The following TENM4 variants were observed in gnomAD, a reference collection of about 807,000 sequenced individuals.
TENM4 encodes the protein teneurin-4.
TENM4 carries 82 observed loss-of-function variants against 243.3 expected under a neutral mutation model. The ratio of observed to expected loss-of-function variants is 0.34; its 90% confidence interval spans 0.28 to 0.40. The LOEUF is 0.40. Among genes scored for constraint, TENM4 ranks in the 10% least tolerant of loss-of-function variants. The probability of loss-of-function intolerance (pLI) is 1.00; values close to 1 mark genes in which losing one functional copy is unlikely to be tolerated. For missense variants in TENM4, 3,138 were observed against 3,673.3 expected, an observed-to-expected ratio of 0.85 and a Z score of 3.77; for synonymous variants, 1,412 against 1,456.3, an observed-to-expected ratio of 0.97 and a Z score of 0.69.
chr11:79,365,528 G>A (rs1385987294), intron 1 of TENM4, among the ~76,000 whole-genome samples: 1 of 152,184 alleles, frequency 6.6e-6, no homozygotes, highest in Non-Finnish European at 1.5e-5. Flanking sequence ...CTTCTGACCA[G>A]CCTTCTCTAA....
chr11:78,705,704 T>C (rs757403475), intron 27 of TENM4, among the ~76,000 whole-genome samples: 9 of 152,172 alleles, frequency 5.9e-5, no homozygotes, highest in Non-Finnish European at 1.3e-4. Context: ...GTCAAATGAA[T>C]GAACGAAGGA....
chr11:79,016,024 G>T (rs557739730), intron 6 of TENM4, among the ~76,000 whole-genome samples: 9 of 152,184 alleles, frequency 5.9e-5, no homozygotes, highest in Non-Finnish European at 1.0e-4. Flanking sequence ...TGAGACCAAG[G>T]TACTGAGAGT....
chr11:78,693,412 G>T (rs1858875502), intron 28 of TENM4, among the ~76,000 whole-genome samples: 2 of 152,160 alleles, frequency 1.3e-5, no homozygotes, highest in African/African-American at 2.4e-5. Flanking sequence ...TAAATAATGT[G>T]TTTTATTCAT....
intron 2 of TENM4, among the ~76,000 whole-genome samples, chr11:79,262,313 C>T (rs967461584): frequency 3.9e-5 from 6 of 152,180 alleles, no homozygotes; most frequent in African/African-American, 1.4e-4. Context: ...GGTGCTTTTC[C>T]TGTGTTCTTT....
chr11:79,089,368 A>C (rs146958607), intron 4 of TENM4, among the ~76,000 whole-genome samples: 8 of 152,336 alleles, frequency 5.3e-5, no homozygotes, highest in African/African-American at 1.9e-4. Context: ...GAGCGCAAGG[A>C]AAGGGTGTTC....
At chr11:79,169,013 C>T (rs975297961) in intron 3 of TENM4, among the ~76,000 whole-genome samples, 3 of 152,192 alleles carry the variant, frequency 2.0e-5, no homozygotes, top group African/African-American at 4.8e-5. Flanking sequence ...CACCAGCTGA[C>T]CTAGGGTGAC....
intron 29 of TENM4, among the ~76,000 whole-genome samples, chr11:78,686,192 T>C (rs1346624537): frequency 6.6e-6 from 1 of 152,164 alleles, no homozygotes; most frequent in South Asian, 2.1e-4. Context: ...CATTTCTACA[T>C]GGTTGTCAAT....
At chr11:78,982,429 C>T (rs1395410966) in intron 6 of TENM4, among the ~76,000 whole-genome samples, 1 of 152,146 alleles carries the variant, frequency 6.6e-6, no homozygotes, top group Non-Finnish European at 1.5e-5. Flanking sequence ...TCACCCTGGG[C>T]TCCTGTTTCC....
At chr11:79,088,880 A>G (rs1171041421) in intron 4 of TENM4, among the ~76,000 whole-genome samples, 3 of 152,196 alleles carry the variant, frequency 2.0e-5, no homozygotes, top group East Asian at 1.9e-4. Flanking sequence ...AGCAGGCACC[A>G]GTTTTGAGCA....
intron 1 of TENM4, among the ~76,000 whole-genome samples, chr11:79,341,124 T>C (rs1857234682): frequency 6.6e-6 from 1 of 152,170 alleles, no homozygotes; most frequent in African/African-American, 2.4e-5. Flanking sequence ...GATTCTCCCT[T>C]TGGAGCCTCC....
intron 6 of TENM4, among the ~76,000 whole-genome samples, chr11:78,989,012 C>G (rs902872457): frequency 6.6e-6 from 1 of 152,180 alleles, no homozygotes; most frequent in Admixed American, 6.5e-5. Flanking sequence ...TGTGCTCTGT[C>G]CACACAGCTA....
intron 25 of TENM4, among the ~76,000 whole-genome samples, chr11:78,713,920 C>T (rs1859461092): frequency 6.6e-6 from 1 of 152,134 alleles, no homozygotes; most frequent in African/African-American, 2.4e-5. Context: ...ATGGTCTGAA[C>T]ATTTGCCGGG....
At chr11:79,171,258 C>A (rs1199801101) in intron 3 of TENM4, among the ~76,000 whole-genome samples, 1 of 152,120 alleles carries the variant, frequency 6.6e-6, no homozygotes, top group African/African-American at 2.4e-5. Flanking sequence ...CATGCCTCAC[C>A]CAGTATATGG....
rs1475629694 is a variant in TENM4 at position 78,655,034 on chromosome 11, G to C, written c.*3024C>G. ...TTGGTTGGTGAGTGTCAAAAGGGCC[G>C]GTCCTCTCAGGATGGGAGTCGATGC... On this transcript the variant is annotated 3_prime_UTR_variant, in exon 34 of 34. Coordinates refer to ENST00000278550, the MANE Select transcript of TENM4 (RefSeq NM_001098816.3). 1 of 152,244 alleles carries C rather than the reference G, an allele frequency of 6.6e-6. No homozygotes were observed. The allele number at this position is 152,244 out of a possible 1,614,324, so 9.4% of individuals were successfully genotyped here.
At chr11:79,410,204 C>A (rs964932817) in intron 1 of TENM4, among the ~76,000 whole-genome samples, 5 of 152,146 alleles carry the variant, frequency 3.3e-5, no homozygotes, top group African/African-American at 1.2e-4. Flanking sequence ...TCCTTACTTT[C>A]TCAGCAGGCT....
intron 28 of TENM4, among the ~76,000 whole-genome samples, chr11:78,700,927 C>T (rs762071893): frequency 6.6e-6 from 1 of 152,124 alleles, no homozygotes; most frequent in Non-Finnish European, 1.5e-5. Flanking sequence ...GCGTAATATG[C>T]AATTGTTGTT....
At chr11:79,069,306 G>A (rs528832587) in intron 5 of TENM4, among the ~76,000 whole-genome samples, 2 of 152,210 alleles carry the variant, frequency 1.3e-5, no homozygotes, top group South Asian at 2.1e-4. Context: ...TTTATTCAGC[G>A]CTTACTTGGT....
Position 79,332,251 on chromosome 11 carries a change from C to T in TENM4, c.-320-34708G>A, listed in dbSNP as rs76097497. Among the ~76,000 whole-genome samples the T allele has an allele frequency of 5.2e-3, 799 of 152,258 alleles. 6 individuals are homozygous for T. Among genetic ancestry groups the T allele is most frequent in the African/African-American group, 0.018 (762 of 41,550 alleles). ...TATCACTCCAGGCTGCCATTTCAGT[C>T]CCGCAGTGCAGGAGTGGTTTATTTC... On this transcript the variant is annotated intron_variant, in intron 1 of 33. Coordinates refer to ENST00000278550, the MANE Select transcript of TENM4 (RefSeq NM_001098816.3).
intron 1 of TENM4, among the ~76,000 whole-genome samples, chr11:79,370,599 C>T (rs1158745448): frequency 6.6e-6 from 1 of 151,994 alleles, no homozygotes; most frequent in African/African-American, 2.4e-5. Context: ...TGTCCATCTG[C>T]AATTCCTAAA....
Sources: gnomAD v4.1 joint callset for allele counts (sites outside exome capture counted in the v4.1 genomes callset) on GRCh38, gnomAD v4.1.1 for gene constraint, MANE v1.5 for transcripts, NCBI Gene and HGNC (gene_info 2026-07-23, HGNC 2026-07-21) for gene names.